Variants in NHS observed in about 807,000 individuals in gnomAD.
NHS encodes the protein NHS actin remodeling regulator.
NHS carries 5 observed loss-of-function variants against 72.5 expected under a neutral mutation model. The ratio of observed to expected loss-of-function variants is 0.07; its 90% CI spans 0.04 to 0.14. The LOEUF (loss-of-function observed/expected upper bound fraction) is 0.14, where lower values mean the gene tolerates loss of function less well. Ranked by LOEUF, NHS falls within the 10% of genes least tolerant of loss-of-function variation. The pLI, the probability that NHS is intolerant of heterozygous loss-of-function variation, is 1.00. For synonymous variants in NHS, 464 were observed against 547.7 expected (o/e 0.85, Z 2.13); for missense variants, 1,072 against 1,355.7 (o/e 0.79, Z 3.29).
At chrX:17,494,784 G>A (rs905716950) in intron 1 of NHS, among the ~76,000 whole-genome samples, 2 of 112,328 alleles carry the variant, frequency 1.8e-5, no homozygotes, top group African/African-American at 6.5e-5. Flanking sequence ...GGCTAGTGGG[G>A]GAATTTTTTA....
intron 1 of NHS, among the ~76,000 whole-genome samples, chrX:17,412,923 C>T (rs760019932): frequency 8.9e-5 from 10 of 112,539 alleles, no homozygotes; most frequent in East Asian, 2.8e-4. Context: ...ATAGACAATA[C>T]GTAAATGAGT....
chrX:17,451,608 G>A (rs1569257386), intron 1 of NHS, among the ~76,000 whole-genome samples: 2 of 111,969 alleles, frequency 1.8e-5, no homozygotes, highest in South Asian at 3.7e-4. Context: ...TACTAATAAG[G>A]GGGAAGAGCA....
Position 17,680,963 on chromosome X carries a change from A to G in NHS, c.566-6779A>G, listed in dbSNP as rs1245457220. Among the ~76,000 whole-genome samples the G allele has an allele frequency of 3.6e-5, 4 of 112,379 alleles. No individual in the cohort carries two copies. In the South Asian group the frequency reaches 1.5e-3, roughly 41 times the overall value. On this transcript the variant is annotated intron_variant, in intron 1 of 8. Coordinates refer to ENST00000676302, the MANE Select transcript of NHS (RefSeq NM_001291867.2). ...CAAACTGCTGCTAAGAAGAATGTCT[A>G]GGACTGCAACTCTGCCACTGGCTCA...
intron 1 of NHS, among the ~76,000 whole-genome samples, chrX:17,419,843 A>G (rs2064614750): frequency 8.9e-6 from 1 of 111,867 alleles, no homozygotes; most frequent in South Asian, 3.7e-4. Context: ...TTGAATTATC[A>G]AAGTGCCTTG....
intron 1 of NHS, among the ~76,000 whole-genome samples, chrX:17,567,168 A>G (rs1281917043): frequency 8.9e-6 from 1 of 112,452 alleles, no homozygotes; most frequent in Non-Finnish European, 1.9e-5. Context: ...CGTAAAAGAT[A>G]CATCCCAATT....
chrX:17,490,272 T>A lies in NHS; in HGVS notation c.565+113950T>A, dbSNP rs1482327130. ...TATGGTTTTAGGTCTTATGTTTAAT[T>A]CTTTAATCCATCTTGAGTTAATTTT... On this transcript the variant is annotated intron_variant, in intron 1 of 8. Transcript: ENST00000676302. 2.7e-5 allele frequency among the ~76,000 whole-genome samples: 3 copies of A among 112,589 alleles called. 1 individual carries two copies. In the East Asian group the frequency reaches 8.3e-4, roughly 31 times the overall value.
chrX:17,462,083 A>G (rs771285631), intron 1 of NHS, among the ~76,000 whole-genome samples: 2 of 111,585 alleles, frequency 1.8e-5, no homozygotes, highest in East Asian at 5.6e-4. Flanking sequence ...CTGCAATGTT[A>G]TATTGCAAGG....
At chrX:17,514,887 T>C (rs1383673198) in intron 1 of NHS, among the ~76,000 whole-genome samples, 1 of 111,673 alleles carries the variant, frequency 9.0e-6, no homozygotes, top group Non-Finnish European at 1.9e-5. Context: ...GCAACAAAGT[T>C]CTCTGGATAA....
chrX:17,605,700 T>C (rs1480719312), intron 1 of NHS, among the ~76,000 whole-genome samples: 1 of 111,316 alleles, frequency 9.0e-6, no homozygotes, highest in East Asian at 2.8e-4. Flanking sequence ...TCCTCAGCCC[T>C]AGGTGGAGGT....
rs189155823 is a variant in NHS at position 17,516,675 on chromosome X, G to A, written c.565+140353G>A. The stretch of plus-strand genomic sequence containing the variant: ...TTAGATTGAGGAGTGTACAGGAGGG[G>A]AGAGATGTTTCATTTGTGCCTGTGT... On this transcript the variant is annotated intron_variant, in intron 1 of 8. Coordinates refer to ENST00000676302, the MANE Select transcript of NHS (RefSeq NM_001291867.2). Among the ~76,000 whole-genome samples, 637 of 109,031 alleles carry A rather than the reference G, an allele frequency of 5.8e-3. 3 individuals carry two copies. The highest frequency in any genetic ancestry group is 9.5e-3 in the Non-Finnish European group (498 of 52,454). 94.7% of individuals were successfully genotyped at this position (109,031 alleles called of 115,157 possible). A position where few individuals can be genotyped will look rare whatever the true frequency, so the allele number is the denominator to read the frequency against.
At chrX:17,662,789 T>A (rs957590092) in intron 1 of NHS, among the ~76,000 whole-genome samples, 1 of 112,120 alleles carries the variant, frequency 8.9e-6, no homozygotes, top group Non-Finnish European at 1.9e-5. Flanking sequence ...TTGGTCTATC[T>A]CACCACAGTT....
chrX:17,454,754 A>G (rs1448630328), intron 1 of NHS, among the ~76,000 whole-genome samples: 1 of 111,872 alleles, frequency 8.9e-6, no homozygotes, highest in African/African-American at 3.3e-5. Context: ...ACAAAATTTT[A>G]TGAGTGCACA....
rs2065799984 is a variant in NHS, at chrX:17,626,843, G to A, written c.566-60899G>A. ...CTGTACAGAGTTATTTAAAGATTTT[G>A]TTCTGTTTGTGAACTGCATCACTTC... On this transcript the variant is annotated intron_variant, in intron 1 of 8. Transcript: ENST00000676302. Among the ~76,000 whole-genome samples, 3 of 111,980 alleles carry A rather than the reference G, an allele frequency of 2.7e-5. No homozygotes were observed. In the Admixed American group the frequency reaches 2.8e-4, roughly 11 times the overall value.
At chrX:17,447,114 T>C (rs181781431) in intron 1 of NHS, among the ~76,000 whole-genome samples, 1 of 111,724 alleles carries the variant, frequency 9.0e-6, no homozygotes, top group Non-Finnish European at 1.9e-5. Context: ...CTGGGTAAGA[T>C]AGTTGTCAAG....
intron 1 of NHS, among the ~76,000 whole-genome samples, chrX:17,598,799 A>G (rs971906000): frequency 1.8e-5 from 2 of 111,495 alleles, no homozygotes; most frequent in Non-Finnish European, 3.8e-5. Context: ...AGAAAAATGC[A>G]CAAATCCTAA....
At chrX:17,699,213 A>G (rs777765346) in intron 3 of NHS, among the ~76,000 whole-genome samples, 51 of 111,941 alleles carry the variant, frequency 4.6e-4, no homozygotes, top group Non-Finnish European at 7.9e-4. Context: ...GCTTTATTTT[A>G]TGGAGTTAGA....
At position 17,439,353 on chromosome X, in the gene NHS, A is replaced by T. The variant is rs181769314; in HGVS notation, c.565+63031A>T. Among the ~76,000 whole-genome samples the T allele has an allele frequency of 4.1e-3, 460 of 111,752 alleles. 2 individuals carry two copies. The highest frequency in any genetic ancestry group is 6.7e-3 in the Non-Finnish European group (355 of 53,121). ...CACCAAGATTAAGAAATAAACTATT[A>T]CAAAGAAAACTGTGATTGTAGATTT... On this transcript the variant is annotated intron_variant, in intron 1 of 8. Coordinates refer to ENST00000676302, the MANE Select transcript of NHS (RefSeq NM_001291867.2).
chrX:17,438,098 T>C (rs930577544), intron 1 of NHS, among the ~76,000 whole-genome samples: 1 of 112,553 alleles, frequency 8.9e-6, no homozygotes, highest in Non-Finnish European at 1.9e-5. Flanking sequence ...TTGTTTAGGC[T>C]GGTGCATTTG....
intron 1 of NHS, among the ~76,000 whole-genome samples, chrX:17,429,427 C>A (rs1048754462): frequency 9.0e-6 from 1 of 111,540 alleles, no homozygotes; most frequent in Admixed American, 9.5e-5. Flanking sequence ...CCAGTAAGAC[C>A]TTTGGAGAAA....
Sources: gnomAD v4.1 joint callset for allele counts (sites outside exome capture counted in the v4.1 genomes callset) on GRCh38, gnomAD v4.1.1 for gene constraint, MANE v1.5 for transcripts, NCBI Gene and HGNC (gene_info 2026-07-23, HGNC 2026-07-21) for gene names.